Variants in ATP6V1D observed in about 807,000 individuals in gnomAD.
ATP6V1D encodes the protein V-type proton ATPase subunit D.
ATP6V1D carries 20 observed loss-of-function variants against 39.4 expected under a neutral mutation model. That is an observed-to-expected ratio of 0.51 (90% CI 0.36 to 0.74). The LOEUF (loss-of-function observed/expected upper bound fraction) is 0.74. ATP6V1D is among the 30% of genes least tolerant of loss of function. The pLI, the probability that ATP6V1D is intolerant of heterozygous loss-of-function variation, is 0.00. For missense variants in ATP6V1D, 228 were observed against 291.6 expected (o/e 0.78, Z 1.59); for synonymous variants, 100 against 100.5 (o/e 0.99, Z 0.03).
chr14:67,341,671 C>T (rs567364066), intron 7 of ATP6V1D, among the ~76,000 whole-genome samples: 3 of 152,326 alleles, frequency 2.0e-5, no homozygotes, highest in South Asian at 2.1e-4. Flanking sequence ...GCCACCACCC[C>T]GTCTGGGAGG....
chr14:67,346,457 G>A (rs1471258110), intron 5 of ATP6V1D, among the ~76,000 whole-genome samples: 1 of 152,108 alleles, frequency 6.6e-6, no homozygotes. Flanking sequence ...GACCACAGGC[G>A]CATGCCACCA....
chr14:67,355,171 G>A (rs1028132592), intron 1 of ATP6V1D, among the ~76,000 whole-genome samples: 1 of 151,922 alleles, frequency 6.6e-6, no homozygotes, highest in East Asian at 1.9e-4. Context: ...GTATTAACAT[G>A]TTTTGATATC....
intron 1 of ATP6V1D, 80 bp from the exon 2 acceptor site, chr14:67,353,120 ATTATCCT>A: frequency 9.4e-7 from 1 of 1,064,852 alleles, no homozygotes; most frequent in East Asian, 2.5e-5. Flanking sequence ...CAGTGTTAAA[ATTATCCT>A]TTATCCTTTG....
At chr14:67,349,489 C>T (rs891913015) in intron 3 of ATP6V1D, among the ~76,000 whole-genome samples, 1 of 152,250 alleles carries the variant, frequency 6.6e-6, no homozygotes, top group East Asian at 1.9e-4. Context: ...ATTCCTTTAC[C>T]CTGGAAACTA....
chr14:67,338,814 T>C (rs912579931), intron 8 of ATP6V1D, 52 bp from the exon 9 acceptor site: 1 of 1,496,732 alleles, frequency 6.7e-7, no homozygotes, highest in East Asian at 2.3e-5. Context: ...CAATATTAAG[T>C]AGATTTGATT....
intron 1 of ATP6V1D, 77 bp downstream of exon 1, chr14:67,359,581 T>C: frequency 6.6e-7 from 1 of 1,524,984 alleles, no homozygotes. Context: ...GGACCCTCAC[T>C]GTGGCCCAGG....
intron 1 of ATP6V1D, among the ~76,000 whole-genome samples, chr14:67,357,703 T>A (rs2085694834): frequency 6.6e-6 from 1 of 152,174 alleles, no homozygotes; most frequent in Non-Finnish European, 1.5e-5. Flanking sequence ...AGCTCAATTC[T>A]CATTTGTGCA....
intron 7 of ATP6V1D, among the ~76,000 whole-genome samples, chr14:67,340,748 C>T (rs1258126605): frequency 6.6e-6 from 1 of 152,198 alleles, no homozygotes; most frequent in Non-Finnish European, 1.5e-5. Context: ...GTACTGCTGC[C>T]ATCTCAGCTC....
intron 7 of ATP6V1D, among the ~76,000 whole-genome samples, chr14:67,342,810 T>G (rs2141095290): frequency 6.6e-6 from 1 of 152,060 alleles, no homozygotes; most frequent in South Asian, 2.1e-4. Context: ...TTTCTTTACT[T>G]CAAATTTTGC....
At chr14:67,340,088 G>T (rs1003498387) in intron 8 of ATP6V1D, 2 of 172,982 alleles carry the variant, frequency 1.2e-5, no homozygotes, top group Non-Finnish European at 2.4e-5. Flanking sequence ...AAGGTAATGA[G>T]TTCTCTCTAT....
At chr14:67,339,059 G>A (rs967037503) in intron 8 of ATP6V1D, among the ~76,000 whole-genome samples, 24 of 144,064 alleles carry the variant, frequency 1.7e-4, no homozygotes, top group Middle Eastern at 3.7e-3. Flanking sequence ...AGTGGCGCAC[G>A]CAATCTTGGC....
chr14:67,354,570 A>T (rs2085673688), intron 1 of ATP6V1D, among the ~76,000 whole-genome samples: 1 of 152,234 alleles, frequency 6.6e-6, no homozygotes, highest in South Asian at 2.1e-4. Flanking sequence ...TAAATGCTAA[A>T]TACATCAGAG....
At chr14:67,356,240 T>C (rs2085684173) in intron 1 of ATP6V1D, among the ~76,000 whole-genome samples, 1 of 151,844 alleles carries the variant, frequency 6.6e-6, no homozygotes, top group African/African-American at 2.4e-5. Flanking sequence ...GCCAACATAG[T>C]GAAACCCCAT....
intron 7 of ATP6V1D, 135 bp downstream of exon 7, chr14:67,343,237 T>C: frequency 1.7e-6 from 1 of 581,662 alleles, no homozygotes; most frequent in East Asian, 2.9e-5. Flanking sequence ...GACACACTTC[T>C]CTCTTTGCAC....
intron 7 of ATP6V1D, among the ~76,000 whole-genome samples, chr14:67,343,026 T>C (rs2085597028): frequency 6.6e-6 from 1 of 152,180 alleles, no homozygotes; most frequent in African/African-American, 2.4e-5. Flanking sequence ...AAAAGTTGCA[T>C]CACTCAACCA....
intron 5 of ATP6V1D, 65 bp from the exon 6 acceptor site, chr14:67,345,936 A>C: frequency 5.0e-6 from 5 of 996,954 alleles, no homozygotes; most frequent in Non-Finnish European, 7.8e-6. Context: ...AAATTCCCCA[A>C]AAGGAGATAA....
chr14:67,341,031 C>T (rs1209684514), intron 7 of ATP6V1D, among the ~76,000 whole-genome samples: 2 of 152,166 alleles, frequency 1.3e-5, no homozygotes, highest in Non-Finnish European at 1.5e-5. Flanking sequence ...CTACAACCTC[C>T]ACCTCCCAGC....
chr14:67,340,082 T>C (rs1189544849), intron 8 of ATP6V1D: 1 of 169,498 alleles, frequency 5.9e-6, no homozygotes, highest in Non-Finnish European at 1.2e-5. Context: ...TGTCCAAAGG[T>C]AATGAGTTCT....
At chr14:67,341,147 G>A (rs1343209104) in intron 7 of ATP6V1D, among the ~76,000 whole-genome samples, 6 of 152,170 alleles carry the variant, frequency 3.9e-5, no homozygotes, top group African/African-American at 1.4e-4. Context: ...CGTCTGGGAT[G>A]TGAGGAGCCC....
Sources: gnomAD v4.1 joint callset for allele counts (sites outside exome capture counted in the v4.1 genomes callset) on GRCh38, gnomAD v4.1.1 for gene constraint, MANE v1.5 for transcripts, NCBI Gene and HGNC (gene_info 2026-07-23, HGNC 2026-07-21) for gene names.